The following BBS4 variants were observed in gnomAD, a reference collection of about 807,000 sequenced individuals.
BBS4 encodes the protein BBSome complex member BBS4.
A neutral mutation model predicts 71.4 loss-of-function variants in BBS4; 58 were observed. That is an observed-to-expected ratio of 0.81 (90% CI 0.66 to 1.01). The LOEUF (loss-of-function observed/expected upper bound fraction) is 1.01. Ranked by LOEUF, BBS4 falls within the 50% of genes least tolerant of loss-of-function variation. BBS4 has a pLI of 0.00. For synonymous variants in BBS4, 228 were observed against 216.8 expected, an observed-to-expected ratio of 1.05 and a Z score of -0.46; for missense variants, 660 against 607.9, an observed-to-expected ratio of 1.09 and a Z score of -0.90.
chr15:72,734,747 G>A (rs1466494216), intron 12 of BBS4, among the ~76,000 whole-genome samples: 1 of 152,184 alleles, frequency 6.6e-6, no homozygotes, highest in Non-Finnish European at 1.5e-5. Context: ...GGGGGCCAGT[G>A]AGGATTCCTA....
intron 2 of BBS4, among the ~76,000 whole-genome samples, chr15:72,701,055 C>T (rs2065160951): frequency 6.6e-6 from 1 of 152,106 alleles, no homozygotes; most frequent in South Asian, 2.1e-4. Flanking sequence ...TCCATGTAAT[C>T]ACCATCTAGA....
intron 2 of BBS4, among the ~76,000 whole-genome samples, chr15:72,702,802 CTTTTTTT>C (rs59816410): frequency 0.045 from 3,280 of 73,514 alleles, 94 homozygotes; most frequent in Admixed American, 0.077. Flanking sequence ...GGAGCTGACT[CTTTTTTT>C]TTTTTTTTTT....
intron 8 of BBS4, among the ~76,000 whole-genome samples, chr15:72,725,524 T>C (rs1194316219): frequency 2.0e-5 from 3 of 152,160 alleles, no homozygotes; most frequent in Non-Finnish European, 4.4e-5. Context: ...AGTCTGCCAT[T>C]TTGGTATCAT....
intron 3 of BBS4, among the ~76,000 whole-genome samples, chr15:72,711,941 C>T (rs547329637): frequency 2.9e-4 from 44 of 152,022 alleles, no homozygotes; most frequent in African/African-American, 1.0e-3. Context: ...TATCTTGGCT[C>T]ACTGCAACCT....
chr15:72,698,243 T>A (rs1482790557), intron 2 of BBS4, among the ~76,000 whole-genome samples: 1 of 152,152 alleles, frequency 6.6e-6, no homozygotes, highest in Non-Finnish European at 1.5e-5. Flanking sequence ...TATTGTAAAA[T>A]ATATATAAAA....
intron 12 of BBS4, among the ~76,000 whole-genome samples, chr15:72,733,414 C>A (rs2065864312): frequency 6.6e-6 from 1 of 151,940 alleles, no homozygotes; most frequent in South Asian, 2.1e-4. Context: ...AGCCTAGTAC[C>A]CAATAGTTAT....
chr15:72,713,349 A>ACACACG (rs1555499570), intron 4 of BBS4, among the ~76,000 whole-genome samples: 3 of 112,566 alleles, frequency 2.7e-5, no homozygotes, highest in South Asian at 3.6e-4. Context: ...ACACACACAC[A>ACACACG]CGCACACGCA....
At chr15:72,700,196 C>T (rs145386636) in intron 2 of BBS4, among the ~76,000 whole-genome samples, 3,953 of 152,280 alleles carry the variant, frequency 0.026, 55 homozygotes, top group Non-Finnish European at 0.036. Context: ...CCTCAGCCTC[C>T]CATAGTGCTG....
rs866981814 is a variant in BBS4 at position 72,715,233 on chromosome 15, G to A, written c.221-58G>A. 17 of 1,306,670 alleles carry A rather than the reference G, an allele frequency of 1.3e-5. No individual in the cohort carries two copies. The Middle Eastern group carries it at 9.2e-4, about 71-fold the overall frequency. 80.9% of individuals were successfully genotyped at this position (1,306,670 alleles called of 1,614,324 possible). A position where few individuals can be genotyped will look rare whatever the true frequency, so the allele number is the denominator to read the frequency against. ...TCTTCTCCAATTTTTCTGACCCCAG[G>A]CTCCATTCTTCCCAGAACATGGTTT... On this transcript the variant is annotated intron_variant, in intron 4 of 15. Transcript: ENST00000268057.
chr15:72,735,588 T>A, intron 13 of BBS4: 1 of 596,854 alleles, frequency 1.7e-6, no homozygotes, highest in Non-Finnish European at 3.0e-6. Context: ...CTGGCCTAGG[T>A]AGTCTCTGTT....
At chr15:72,723,604 A>G (rs946141797) in intron 7 of BBS4, among the ~76,000 whole-genome samples, 1 of 152,230 alleles carries the variant, frequency 6.6e-6, no homozygotes, top group African/African-American at 2.4e-5. Flanking sequence ...AGTTTGTGTC[A>G]ATTTGCAGAC....
rs1394525032 is a variant in BBS4, at chr15:72,729,647, T to G, written c.674T>G (p.Leu225Arg). The change falls in exon 10 of 16, where the codon CTT becomes CGT. Residue 225 changes from leucine (L) to arginine (R), a missense_variant. Physicochemically the swap from Leu to Arg is moderately radical, Grantham distance 102. Transcript: ENST00000268057. Reference sequence around the variant, plus strand: ...ATTTACCAGAAGGCATTTGAACATCTTGGCAATGCACTGACTTATGACCCT... The same window carrying G: ...ATTTACCAGAAGGCATTTGAACATCGTGGCAATGCACTGACTTATGACCCT... The part of the protein sequence containing the change: ...LGIYQKAFEH[L>R]GNALTYDPTN... The G allele has an allele frequency of 6.2e-7, 1 of 1,614,146 alleles. No homozygotes were observed. Among genetic ancestry groups the G allele is most frequent in the Non-Finnish European group, 8.5e-7 (1 of 1,180,010 alleles).
At chr15:72,703,196 A>G (rs2065207614) in intron 2 of BBS4, among the ~76,000 whole-genome samples, 1 of 152,108 alleles carries the variant, frequency 6.6e-6, no homozygotes, top group Admixed American at 6.5e-5. Flanking sequence ...AGGAACTGGC[A>G]GGAGATTAGA....
At chr15:72,706,921 T>G (rs1349954828) in intron 2 of BBS4, among the ~76,000 whole-genome samples, 3 of 152,106 alleles carry the variant, frequency 2.0e-5, no homozygotes, top group Non-Finnish European at 4.4e-5. Context: ...GCTCAACTGA[T>G]CCTCCTGCCT....
chr15:72,708,403 T>C (rs2065304044), intron 2 of BBS4, among the ~76,000 whole-genome samples: 1 of 152,224 alleles, frequency 6.6e-6, no homozygotes, highest in Non-Finnish European at 1.5e-5. Context: ...TCCCAAATAA[T>C]ATTCTTATAA....
At position 72,698,811 on chromosome 15, in the gene BBS4, T is replaced by C. The variant is rs149147498; in HGVS notation, c.76+3583T>C. Among the ~76,000 whole-genome samples the C allele has an allele frequency of 4.7e-4, 72 of 152,318 alleles. No individual in the cohort carries two copies. In the East Asian group the frequency reaches 0.013, roughly 28 times the overall value. On this transcript the variant is annotated intron_variant, in intron 2 of 15. Coordinates refer to ENST00000268057, the MANE Select transcript of BBS4 (RefSeq NM_033028.5). ...GTATATATTTGGTTCTCAGACGTGA[T>C]TTTGATTTTGTAGATGCTGTACATG...
At chr15:72,709,835 A>C (rs1595921661) in intron 3 of BBS4, 56 bp downstream of exon 3, 16 of 1,390,568 alleles carry the variant, frequency 1.2e-5, no homozygotes, top group African/African-American at 1.4e-5. Context: ...TAGGCAACTA[A>C]CAGTGCCTGC....
intron 2 of BBS4, among the ~76,000 whole-genome samples, chr15:72,705,684 C>A (rs1456314269): frequency 6.7e-6 from 1 of 150,216 alleles, no homozygotes; most frequent in Non-Finnish European, 1.5e-5. Flanking sequence ...CTCTGCCTCC[C>A]AGGCTCAAGC....
rs761231663 is a variant in BBS4, at chr15:72,724,589, T to C, written c.521T>C (p.Leu174Pro). Residue 174 changes from leucine to proline, a missense_variant, in exon 8 of 16, where the codon CTG becomes CCG. Physicochemically the swap from Leu to Pro is moderately conservative, Grantham distance 98. Coordinates refer to ENST00000268057, the MANE Select transcript of BBS4 (RefSeq NM_033028.5). Reference protein sequence around the residue: ...LNRHDLTYIMLGKIHLLEGDL... With the variant: ...LNRHDLTYIMPGKIHLLEGDL... Reference sequence around the variant, plus strand: ...AGGCACGATCTGACTTATATAATGCTGGGGAAGATCCACTTGCTGGAGGGA... The same window carrying C: ...AGGCACGATCTGACTTATATAATGCCGGGGAAGATCCACTTGCTGGAGGGA... 6.2e-7 allele frequency: 1 copy of C among 1,614,160 alleles called. No homozygotes were observed. The highest frequency in any genetic ancestry group is 8.5e-7 in the Non-Finnish European group (1 of 1,180,004).
Sources: allele counts gnomAD v4.1 joint callset (sites outside exome capture counted in the v4.1 genomes callset), GRCh38; gene constraint gnomAD v4.1.1; transcripts MANE v1.5; gene names NCBI Gene and HGNC (gene_info 2026-07-23, HGNC 2026-07-21).